Variants in P3H2 observed in about 807,000 individuals in gnomAD.
The protein encoded by P3H2 is prolyl 3-hydroxylase 2.
In P3H2, 80 loss-of-function variants were observed where a neutral mutation model predicts 87.0. The observed-to-expected ratio is 0.92, with a 90% CI of 0.77 to 1.11. The LOEUF (loss-of-function observed/expected upper bound fraction) is 1.11, where lower values mean the gene tolerates loss of function less well. Ranked by LOEUF, P3H2 falls within the 50% of genes least tolerant of loss-of-function variation. P3H2 has a pLI of 0.00. For missense variants in P3H2, 1,001 were observed against 923.9 expected (o/e 1.08, Z -1.08); for synonymous variants, 367 against 359.3 (o/e 1.02, Z -0.24).
chr3:190,109,045 C>T (rs1468675310), intron 1 of P3H2, among the ~76,000 whole-genome samples: 1 of 152,242 alleles, frequency 6.6e-6, no homozygotes, highest in Non-Finnish European at 1.5e-5. Flanking sequence ...AGACAAACAT[C>T]TGCTTCCCAA....
Position 189,982,835 on chromosome 3 carries a change from T to C in P3H2, c.1324+211A>G, listed in dbSNP as rs560684291. Among the ~76,000 whole-genome samples the C allele has an allele frequency of 5.9e-5, 9 of 152,060 alleles. No homozygotes were observed. In the South Asian group the frequency reaches 1.0e-3, roughly 18 times the overall value. On this transcript the variant is annotated intron_variant, in intron 8 of 14. Coordinates refer to ENST00000319332, the MANE Select transcript of P3H2 (RefSeq NM_018192.4). Reference sequence around the variant, plus strand: ...GAGTGAATTTGGAGGCTTTTTCTTTTTTTCTTTTTTTTTGAAACCCATGGT... The same window carrying C: ...GAGTGAATTTGGAGGCTTTTTCTTTCTTTCTTTTTTTTTGAAACCCATGGT...
chr3:190,045,988 T>A (rs893787830), intron 1 of P3H2, among the ~76,000 whole-genome samples: 21 of 152,160 alleles, frequency 1.4e-4, no homozygotes, highest in Admixed American at 1.0e-3. Context: ...CCAGCCGTGG[T>A]GGCGGGCGCC....
At chr3:190,054,399 T>C (rs2108962887) in intron 1 of P3H2, among the ~76,000 whole-genome samples, 1 of 152,190 alleles carries the variant, frequency 6.6e-6, no homozygotes, top group East Asian at 1.9e-4. Flanking sequence ...ACATCCAGCC[T>C]TGTCATATCT....
At chr3:189,975,279 G>A (rs891404652) in intron 8 of P3H2, among the ~76,000 whole-genome samples, 6 of 152,120 alleles carry the variant, frequency 3.9e-5, no homozygotes, top group Non-Finnish European at 8.8e-5. Context: ...ACACAGGAGG[G>A]TTTCCCTTAG....
At chr3:190,064,280 T>C (rs1470279705) in intron 1 of P3H2, among the ~76,000 whole-genome samples, 1 of 152,014 alleles carries the variant, frequency 6.6e-6, no homozygotes, top group Non-Finnish European at 1.5e-5. Context: ...CCCAAAGTGC[T>C]GGGATTATAG....
intron 1 of P3H2, among the ~76,000 whole-genome samples, chr3:190,071,400 C>G (rs1311635753): frequency 6.6e-6 from 1 of 152,174 alleles, no homozygotes; most frequent in Admixed American, 6.5e-5. Context: ...TAAATCCACT[C>G]GTAGTTCTAG....
chr3:190,116,016 G>A (rs1425189986), intron 1 of P3H2, among the ~76,000 whole-genome samples: 1 of 152,162 alleles, frequency 6.6e-6, no homozygotes, highest in South Asian at 2.1e-4. Flanking sequence ...CACTAAGACA[G>A]TTCTTGATTT....
rs74980612 is a variant in P3H2 at position 189,959,527 on chromosome 3, T to C, written c.2035-1523A>G. ...GGTGTTTGTTCTCTCTTCTTATTCA[T>C]ACCTTTCTCTCTTCTTTAGGTTTAT... On this transcript the variant is annotated intron_variant, in intron 14 of 14. Coordinates refer to ENST00000319332, the MANE Select transcript of P3H2 (RefSeq NM_018192.4). Among the ~76,000 whole-genome samples, 681 of 151,428 alleles carry C rather than the reference T, an allele frequency of 4.5e-3. 7 individuals are homozygous for C. Among genetic ancestry groups the C allele is most frequent in the South Asian group, 0.018 (86 of 4,730 alleles).
chr3:190,055,528 T>C (rs943128739), intron 1 of P3H2, among the ~76,000 whole-genome samples: 1 of 123,622 alleles, frequency 8.1e-6, no homozygotes, highest in African/African-American at 3.8e-5. Context: ...AGAGTGCTTT[T>C]TTTTTTTTTC....
chr3:190,073,687 G>C (rs755581275), intron 1 of P3H2, among the ~76,000 whole-genome samples: 5 of 152,094 alleles, frequency 3.3e-5, no homozygotes, highest in Non-Finnish European at 5.9e-5. Context: ...GCTCAGTTAC[G>C]GCAAACTGAG....
chr3:190,041,020 C>CTATATATATATATATATATATATA (rs71635315), intron 1 of P3H2, among the ~76,000 whole-genome samples: 11 of 52,664 alleles, frequency 2.1e-4, no homozygotes, highest in Admixed American at 6.4e-4. Flanking sequence ...CATGGCTCTA[C>CTATATATATATATATATATATATA]TATATATATA....
Position 189,986,824 on chromosome 3 carries a change from T to A in P3H2, c.1152A>T (p.Ser384=). 1 of 1,613,242 alleles carries A rather than the reference T, an allele frequency of 6.2e-7. No individual in the cohort carries two copies. The highest frequency in any genetic ancestry group is 8.5e-7 in the Non-Finnish European group (1 of 1,179,218). The stretch of plus-strand genomic sequence containing the variant: ...ATGAAAACCCCAGACCTTCTGCAGC[T>A]GATTTTATCAGCTCAGACTCCAGCT... ...RHKLESELIK[S]AAEGLGFSYT... Residue 384 remains serine (S), a synonymous_variant, in exon 6 of 15, where the codon TCA becomes TCT. Transcript: ENST00000319332.
At chr3:189,997,610 C>T (rs1239514657) in intron 1 of P3H2, among the ~76,000 whole-genome samples, 7 of 152,308 alleles carry the variant, frequency 4.6e-5, no homozygotes, top group Non-Finnish European at 8.8e-5. Flanking sequence ...TAAGACCTAA[C>T]ATCCCATAAT....
chr3:189,983,660 G>T lies in P3H2; in HGVS notation c.1230-520C>A, dbSNP rs201119769. Among the ~76,000 whole-genome samples, 6 of 152,204 alleles carry T rather than the reference G, an allele frequency of 3.9e-5. No homozygotes were observed. In the East Asian group the frequency reaches 1.2e-3, roughly 29 times the overall value. Reference sequence around the variant, plus strand: ...ATCCAAATGTGTATATACATTCTTGGATCTCTCGAAATAATTTTATGCCAC... The same window carrying T: ...ATCCAAATGTGTATATACATTCTTGTATCTCTCGAAATAATTTTATGCCAC... On this transcript the variant is annotated intron_variant, in intron 7 of 14. Coordinates refer to ENST00000319332, the MANE Select transcript of P3H2 (RefSeq NM_018192.4).
In P3H2 at chr3:189,973,934, C is replaced by A. The variant is rs724159988; in HGVS notation, c.1523G>T (p.Gly508Val). 3 of 1,614,024 alleles carry A rather than the reference C, an allele frequency of 1.9e-6. No individual in the cohort carries two copies. The highest frequency in any genetic ancestry group is 3.3e-4 in the Middle Eastern group (2 of 6,062). ...TTTGAGTGCTTTCAGGACAGTTGCA[C>A]CTTCAAACTTTTCATTGGGTGTATG... The part of the protein sequence containing the change: ...SPHTPNEKFE[G>V]ATVLKALKSG... Residue 508 changes from glycine (G) to valine (V), a missense_variant, in exon 10 of 15, where the codon GGT becomes GTT. Physicochemically the swap from Gly to Val is moderately radical, Grantham distance 109. Coordinates refer to ENST00000319332, the MANE Select transcript of P3H2 (RefSeq NM_018192.4).
intron 1 of P3H2, among the ~76,000 whole-genome samples, chr3:190,002,230 AAC>A (rs558048401): frequency 1.1e-3 from 162 of 152,274 alleles, no homozygotes; most frequent in African/African-American, 3.6e-3. Context: ...TATAAGAAAA[AAC>A]AGTTTATATC....
intron 13 of P3H2, among the ~76,000 whole-genome samples, chr3:189,964,503 A>C (rs1722916086): frequency 6.6e-6 from 1 of 152,244 alleles, no homozygotes; most frequent in Non-Finnish European, 1.5e-5. Flanking sequence ...CAAACAAACA[A>C]ACAGGACATC....
At chr3:190,018,662 T>C (rs1724844362) in intron 1 of P3H2, among the ~76,000 whole-genome samples, 2 of 152,138 alleles carry the variant, frequency 1.3e-5, no homozygotes, top group African/African-American at 4.8e-5. Flanking sequence ...TGAGCTATGA[T>C]TGTGCCACTG....
chr3:190,014,409 G>T (rs904653592), intron 1 of P3H2, among the ~76,000 whole-genome samples: 1 of 152,220 alleles, frequency 6.6e-6, no homozygotes, highest in Non-Finnish European at 1.5e-5. Context: ...AGACACCTAG[G>T]ATCAACCTTG....
Sources: gnomAD v4.1 joint callset for allele counts (sites outside exome capture counted in the v4.1 genomes callset) on GRCh38, gnomAD v4.1.1 for gene constraint, MANE v1.5 for transcripts, NCBI Gene and HGNC (gene_info 2026-07-23, HGNC 2026-07-21) for gene names.